Variants in GSE1 observed in about 807,000 individuals in gnomAD.
GSE1 encodes the protein genetic suppressor element 1.
GSE1 carries 32 observed loss-of-function variants against 112.6 expected under a neutral mutation model. The ratio of observed to expected loss-of-function variants is 0.28; its 90% CI spans 0.21 to 0.38. The LOEUF (loss-of-function observed/expected upper bound fraction) is 0.38, where lower values mean the gene tolerates loss of function less well. GSE1 is among the 10% of genes least tolerant of loss of function. GSE1 has a pLI of 1.00. For missense variants in GSE1, 2,348 were observed against 1,699.2 expected (o/e 1.38, Z -6.71); for synonymous variants, 1,115 against 735.6 (o/e 1.52, Z -8.35).
intron 2 of GSE1, among the ~76,000 whole-genome samples, chr16:85,634,592 G>A (rs368763006): frequency 6.6e-6 from 1 of 152,282 alleles, no homozygotes; most frequent in East Asian, 1.9e-4. Flanking sequence ...TGGAGCGGGG[G>A]TCTCTGGCAC....
At chr16:85,611,161 C>G (rs2047953994), upstream of GSE1, among the ~76,000 whole-genome samples, 1 of 152,146 alleles carries the variant, frequency 6.6e-6, no homozygotes, top group African/African-American at 2.4e-5. Flanking sequence ...CCCCCCGCAG[C>G]TTGTAATCCA....
intron 1 of GSE1, among the ~76,000 whole-genome samples, chr16:85,227,415 T>G (rs2075507905): frequency 6.6e-6 from 1 of 152,222 alleles, no homozygotes; most frequent in African/African-American, 2.4e-5. Flanking sequence ...TGATCAGCTC[T>G]ATCTTGCAAG....
chr16:85,580,392 G>C lies in GSE1; in HGVS notation c.37+24029G>C, dbSNP rs537023759. ...CCTTGGGCAGCAGCCGGCCAGCCCT[G>C]AAGGCTGGCCAGCATCCGAACCCCG... On this transcript the variant is annotated intron_variant, in intron 1 of 2. Coordinates refer to the GSE1 transcript ENST00000635906. Among the ~76,000 whole-genome samples, 647 of 152,272 alleles carry C rather than the reference G, an allele frequency of 4.2e-3. 3 individuals are homozygous for C. The highest frequency in any genetic ancestry group is 6.8e-3 in the Middle Eastern group (2 of 294).
chr16:85,413,763 T>C (rs2048639505), intron 2 of GSE1, among the ~76,000 whole-genome samples: 1 of 152,074 alleles, frequency 6.6e-6, no homozygotes, highest in African/African-American at 2.4e-5. Context: ...TGGTTAGACT[T>C]TGTGTCCCCA....
At chr16:85,444,302 C>T (rs961318465) in intron 2 of GSE1, among the ~76,000 whole-genome samples, 2 of 152,180 alleles carry the variant, frequency 1.3e-5, no homozygotes, top group African/African-American at 2.4e-5. Flanking sequence ...GCTTTCTAGC[C>T]AGCCCAAAGG....
chr16:85,212,577 C>G (rs981158179), intron 1 of GSE1, among the ~76,000 whole-genome samples: 1 of 152,164 alleles, frequency 6.6e-6, no homozygotes, highest in Non-Finnish European at 1.5e-5. Context: ...GGAGAGAGGC[C>G]TCAGGAGACA....
exon 1 of GSE1, chr16:85,170,814 G>A: frequency 1.0e-6 from 1 of 985,568 alleles, no homozygotes; most frequent in Non-Finnish European, 1.2e-6. Flanking sequence ...CCTCCCTCAC[G>A]CAGCAGTGGC....
chr16:85,668,061 C>A (rs1408179719), intron 13 of GSE1, 79 bp from the exon 14 acceptor site: 4 of 1,086,114 alleles, frequency 3.7e-6, no homozygotes, highest in East Asian at 4.8e-5. Flanking sequence ...GCACCAAGGG[C>A]AGAGCAGAGC....
intron 1 of GSE1, among the ~76,000 whole-genome samples, chr16:85,252,680 G>GT (rs959451626): frequency 2.0e-4 from 31 of 152,344 alleles, no homozygotes; most frequent in African/African-American, 7.5e-4. Context: ...GGTCATGCCG[G>GT]TGTGGGGACG....
chr16:85,338,187 T>C (rs1049833950), intron 1 of GSE1, among the ~76,000 whole-genome samples: 3 of 152,250 alleles, frequency 2.0e-5, no homozygotes, highest in Admixed American at 2.0e-4. Flanking sequence ...GTTGCCTGCT[T>C]CATCCTCCTT....
chr16:85,319,615 A>G (rs1440697716), intron 1 of GSE1, among the ~76,000 whole-genome samples: 1 of 152,170 alleles, frequency 6.6e-6, no homozygotes, highest in Non-Finnish European at 1.5e-5. Context: ...GAGCATATTG[A>G]GGCTCCACCC....
chr16:85,330,619 G>A (rs1219273320), intron 1 of GSE1, among the ~76,000 whole-genome samples: 1 of 152,236 alleles, frequency 6.6e-6, no homozygotes, highest in Non-Finnish European at 1.5e-5. Context: ...TGCCGATCCA[G>A]GAAGCGTGCA....
chr16:85,244,127 C>CA (rs1237117941), intron 1 of GSE1, among the ~76,000 whole-genome samples: 1 of 151,210 alleles, frequency 6.6e-6, no homozygotes, highest in Non-Finnish European at 1.5e-5. Flanking sequence ...ACTCTGACTC[C>CA]AAAAAAAAGT....
At chr16:85,238,272 C>T (rs1567630500) in intron 1 of GSE1, among the ~76,000 whole-genome samples, 1 of 152,214 alleles carries the variant, frequency 6.6e-6, no homozygotes, top group Non-Finnish European at 1.5e-5. Flanking sequence ...CAGAGTCCCC[C>T]TCCAGCATCT....
At chr16:85,203,907 T>C (rs1567608490) in intron 1 of GSE1, among the ~76,000 whole-genome samples, 1 of 152,078 alleles carries the variant, frequency 6.6e-6, no homozygotes, top group Non-Finnish European at 1.5e-5. Context: ...CCCGCTGATT[T>C]TTATTATTTC....
chr16:85,247,803 G>A (rs1220698614), intron 1 of GSE1, among the ~76,000 whole-genome samples: 1 of 152,212 alleles, frequency 6.6e-6, no homozygotes, highest in Non-Finnish European at 1.5e-5. Context: ...GACATGCCAG[G>A]GGGCTGGTCT....
At chr16:85,505,965 C>CAA (rs75845915) in intron 2 of GSE1, among the ~76,000 whole-genome samples, 1 of 132,260 alleles carries the variant, frequency 7.6e-6, no homozygotes, top group Non-Finnish European at 1.7e-5. Context: ...ACCCTGTCTC[C>CAA]AAAAAAAAAA....
chr16:85,468,606 G>C (rs186409233), intron 2 of GSE1, among the ~76,000 whole-genome samples: 4 of 152,042 alleles, frequency 2.6e-5, no homozygotes, highest in Admixed American at 1.3e-4. Flanking sequence ...ACAGGTGTGA[G>C]ACACCACCCC....
At chr16:85,649,968 C>A (rs2051195720) in intron 3 of GSE1, among the ~76,000 whole-genome samples, 1 of 152,174 alleles carries the variant, frequency 6.6e-6, no homozygotes, top group South Asian at 2.1e-4. Flanking sequence ...GTGGGAATCC[C>A]TGGGAGCTCC....
Sources: allele counts gnomAD v4.1 joint callset (sites outside exome capture counted in the v4.1 genomes callset), GRCh38; gene constraint gnomAD v4.1.1; transcripts MANE v1.5; gene names NCBI Gene and HGNC (gene_info 2026-07-23, HGNC 2026-07-21).